RAVER2: variants seen among roughly 807,000 people sequenced by gnomAD.
RAVER2 encodes ribonucleoprotein, PTB binding 2.
RAVER2 carries 46 observed loss-of-function variants against 78.1 expected under a neutral mutation model. The observed-to-expected ratio is 0.59, with a 90% CI of 0.46 to 0.75. The LOEUF (loss-of-function observed/expected upper bound fraction) is 0.75. Ranked by LOEUF, RAVER2 falls within the 30% of genes least tolerant of loss-of-function variation. RAVER2 has a pLI of 0.00. For synonymous variants in RAVER2, 311 were observed against 313.3 expected, an observed-to-expected ratio of 0.99 and a Z score of 0.08; for missense variants, 793 against 837.5, an observed-to-expected ratio of 0.95 and a Z score of 0.66.
At chr1:64,752,622 T>C (rs1443911156) in intron 1 of RAVER2, among the ~76,000 whole-genome samples, 1 of 152,162 alleles carries the variant, frequency 6.6e-6, no homozygotes, top group East Asian at 1.9e-4. Context: ...AACTGTATGA[T>C]TTGGGTGGAT....
At chr1:64,832,264 C>CTAA (rs1381433342) in exon 12 of RAVER2, 1 of 152,732 alleles carries the variant, frequency 6.5e-6, no homozygotes, top group Non-Finnish European at 1.5e-5. Flanking sequence ...CCATTTTGAG[C>CTAA]TAATAAGCTA....
rs143796019 is a variant in RAVER2, at chr1:64,817,570, G to A, written c.1929+2730G>A. Among the ~76,000 whole-genome samples, 496 of 152,238 alleles carry A rather than the reference G, an allele frequency of 3.3e-3. 7 individuals carry two copies. The highest frequency in any genetic ancestry group is 0.012 in the African/African-American group (484 of 41,530). ...CATATGCACCATGGAATACTATGCA[G>A]CCATAAAAAAGGATGAGCTCATGTC... On this transcript the variant is annotated intron_variant, in intron 11 of 11. Coordinates refer to ENST00000294428, the Ensembl canonical transcript of RAVER2.
chr1:64,754,521 A>T (rs143011287), intron 1 of RAVER2, among the ~76,000 whole-genome samples: 2 of 152,146 alleles, frequency 1.3e-5, no homozygotes. Context: ...AAATTTTGCA[A>T]TGTACCACTC....
chr1:64,751,963 T>C (rs1395983681), intron 1 of RAVER2, among the ~76,000 whole-genome samples: 11 of 152,322 alleles, frequency 7.2e-5, no homozygotes, highest in East Asian at 5.8e-4. Flanking sequence ...TCTAAGGAGA[T>C]AGTATGAACT....
At chr1:64,751,602 G>C (rs1237669183) in intron 1 of RAVER2, among the ~76,000 whole-genome samples, 1 of 151,906 alleles carries the variant, frequency 6.6e-6, no homozygotes, top group African/African-American at 2.4e-5. Flanking sequence ...TTTAGATACG[G>C]GATGTTGCTA....
chr1:64,828,035 G>T (rs546038835), intron 11 of RAVER2, among the ~76,000 whole-genome samples: 1 of 152,104 alleles, frequency 6.6e-6, no homozygotes, highest in East Asian at 1.9e-4. Flanking sequence ...CTTTGCACAG[G>T]CCCTGCCTTT....
intron 5 of RAVER2, among the ~76,000 whole-genome samples, chr1:64,796,667 G>C (rs1052698757): frequency 3.3e-5 from 5 of 151,872 alleles, no homozygotes; most frequent in African/African-American, 1.2e-4. Context: ...GATAAGTCTG[G>C]CAAAAGGTTT....
At chr1:64,769,359 C>T (rs911638850) in intron 2 of RAVER2, among the ~76,000 whole-genome samples, 1 of 151,988 alleles carries the variant, frequency 6.6e-6, no homozygotes, top group African/African-American at 2.4e-5. Context: ...AGATGAAATT[C>T]ACTTTCTACT....
intron 1 of RAVER2, among the ~76,000 whole-genome samples, chr1:64,756,829 C>G (rs1651867821): frequency 6.6e-6 from 1 of 152,044 alleles, no homozygotes; most frequent in Non-Finnish European, 1.5e-5. Context: ...GTCTATGACC[C>G]TGATGGTTTT....
At chr1:64,782,549 A>G (rs1652659221) in intron 4 of RAVER2, among the ~76,000 whole-genome samples, 1 of 152,226 alleles carries the variant, frequency 6.6e-6, no homozygotes, top group Admixed American at 6.5e-5. Context: ...TTTGCATGAG[A>G]TACTTGTACT....
At chr1:64,795,117 A>G (rs979087287) in intron 5 of RAVER2, among the ~76,000 whole-genome samples, 6 of 152,156 alleles carry the variant, frequency 3.9e-5, no homozygotes, top group Non-Finnish European at 8.8e-5. Context: ...TCAGTTCACC[A>G]TATATGCATG....
At chr1:64,807,444 C>G in exon 9 of RAVER2, 1 of 1,614,000 alleles carries the variant, frequency 6.2e-7, no homozygotes, top group African/African-American at 1.3e-5. Context: ...AGCAGCAAAG[C>G]CAGCCAAAAG....
intron 11 of RAVER2, among the ~76,000 whole-genome samples, chr1:64,822,110 G>A (rs1570584674): frequency 6.6e-6 from 1 of 152,242 alleles, no homozygotes; most frequent in Middle Eastern, 3.4e-3. Context: ...ACAACAGTGA[G>A]ACCCCGTCTC....
intron 2 of RAVER2, among the ~76,000 whole-genome samples, chr1:64,775,160 G>GT (rs1408142945): frequency 6.6e-6 from 1 of 151,942 alleles, no homozygotes; most frequent in Non-Finnish European, 1.5e-5. Context: ...TAATCGTTTT[G>GT]TTTTTTGGCA....
intron 5 of RAVER2, among the ~76,000 whole-genome samples, chr1:64,797,542 G>A (rs1653128930): frequency 6.6e-6 from 1 of 152,140 alleles, no homozygotes; most frequent in Non-Finnish European, 1.5e-5. Context: ...ATAATTTTGG[G>A]TTTGTCTACT....
chr1:64,832,982 C>CAAACA, exon 12 of RAVER2: 1 of 166,050 alleles, frequency 6.0e-6, no homozygotes, highest in Non-Finnish European at 1.3e-5. Flanking sequence ...GGAACTAAAA[C>CAAACA]AAACAAACAA....
chr1:64,779,593 T>C (rs1289972238), intron 3 of RAVER2, among the ~76,000 whole-genome samples: 1 of 151,628 alleles, frequency 6.6e-6, no homozygotes, highest in Admixed American at 6.6e-5. Flanking sequence ...GCCAGGCTGC[T>C]CTCAAACACC....
At chr1:64,795,062 T>A (rs1027281873) in intron 5 of RAVER2, among the ~76,000 whole-genome samples, 1 of 152,142 alleles carries the variant, frequency 6.6e-6, no homozygotes, top group Non-Finnish European at 1.5e-5. Flanking sequence ...CATCATTTGT[T>A]TAGAAAGATA....
rs528792639 is a variant in RAVER2 at position 64,827,289 on chromosome 1, A to G, written c.1930-3550A>G. ...AGGGTGTACTGTTGGAGCTTCGAGA[A>G]AAGAGAAGGCTTGCAATAGTCACTT... On this transcript the variant is annotated intron_variant, in intron 11 of 11. Coordinates refer to ENST00000294428, the Ensembl canonical transcript of RAVER2. Among the ~76,000 whole-genome samples the G allele has an allele frequency of 4.2e-4, 64 of 152,308 alleles. No homozygotes were observed. In the Middle Eastern group the frequency reaches 0.024, roughly 57 times the overall value.
Sources: gnomAD v4.1 joint callset for allele counts (sites outside exome capture counted in the v4.1 genomes callset) on GRCh38, gnomAD v4.1.1 for gene constraint, MANE v1.5 for transcripts, NCBI Gene and HGNC (gene_info 2026-07-23, HGNC 2026-07-21) for gene names.